Variants in COL22A1 observed in about 807,000 individuals in gnomAD.
COL22A1 encodes the protein collagen alpha-1(XXII) chain.
COL22A1 carries 221 observed loss-of-function variants against 248.9 expected under a neutral mutation model. That is an observed-to-expected ratio of 0.89 (90% CI 0.80 to 0.99). COL22A1 has a LOEUF of 0.99. Ranked by LOEUF, COL22A1 falls within the 50% of genes least tolerant of loss-of-function variation. The pLI is 0.00. For missense variants in COL22A1, 2,240 were observed against 2,179.0 expected (o/e 1.03, Z -0.56); for synonymous variants, 891 against 793.4 (o/e 1.12, Z -2.07).
chr8:138,618,462 A>G (rs1469361962), intron 53 of COL22A1, among the ~76,000 whole-genome samples: 2 of 152,052 alleles, frequency 1.3e-5, no homozygotes, highest in African/African-American at 4.8e-5. Flanking sequence ...AGCCCCTGTC[A>G]CTCCAATAAG....
rs150534962 is a variant in COL22A1 at position 138,694,850 on chromosome 8, G to A, written c.2622C>T (p.Gly874=). 104 of 1,613,918 alleles carry A rather than the reference G, an allele frequency of 6.4e-5. No homozygotes were observed. Among genetic ancestry groups the A allele is most frequent in the African/African-American group, 3.2e-4 (24 of 74,908 alleles). ...PGEQGPKGEK[G]DPGLPGEPGL... is the part of the protein sequence containing the mutation. ...CCGGTTCCCCAGGCAGGCCTGGATC[G>A]CCCTTCTCTCCTTTGGGCCCTTGTT... Residue 874 remains glycine, a synonymous_variant, in exon 33 of 65, where the codon GGC becomes GGT. Coordinates refer to ENST00000303045, the MANE Select transcript of COL22A1 (RefSeq NM_152888.3).
chr8:138,689,690 G>A (rs1826669270), intron 36 of COL22A1, among the ~76,000 whole-genome samples: 1 of 152,148 alleles, frequency 6.6e-6, no homozygotes, highest in Non-Finnish European at 1.5e-5. Flanking sequence ...ACCCCAGCCT[G>A]GGTGACAGAG....
At chr8:138,624,170 C>G (rs1820062311) in intron 51 of COL22A1, among the ~76,000 whole-genome samples, 1 of 152,080 alleles carries the variant, frequency 6.6e-6, no homozygotes, top group Non-Finnish European at 1.5e-5. Flanking sequence ...AATGTGGATG[C>G]TGACGATGAT....
At chr8:138,830,714 C>T (rs4736009) in intron 5 of COL22A1, among the ~76,000 whole-genome samples, 85,243 of 152,094 alleles carry the variant, frequency 0.56, 24,349 homozygotes, top group East Asian at 0.67. Flanking sequence ...GACCCTTCCA[C>T]TAGATTTGTG....
rs34103668 is a variant in COL22A1, at chr8:138,912,750, CA to C, written c.-73+868del. 5.5e-3 allele frequency among the ~76,000 whole-genome samples: 782 copies of C among 142,644 alleles called. 5 individuals carry two copies. The highest frequency in any genetic ancestry group is 0.016 in the African/African-American group (636 of 39,530). The allele number at this position is 142,644 out of a possible 152,430, so 93.6% of individuals were successfully genotyped here. A position where few individuals can be genotyped will look rare whatever the true frequency, so the allele number is the denominator to read the frequency against. On this transcript the variant is annotated intron_variant, in intron 1 of 64. Coordinates refer to ENST00000303045, the MANE Select transcript of COL22A1 (RefSeq NM_152888.3). ...GGGAAACAAGAGTGAAACTCGGCCT[CA>C]AAAAAAAAAAAAGTGTCAGGATGGG... is the stretch of plus-strand genomic sequence containing the variant.
chr8:138,892,222 C>T (rs995175668), intron 1 of COL22A1, among the ~76,000 whole-genome samples: 1 of 152,128 alleles, frequency 6.6e-6, no homozygotes, highest in South Asian at 2.1e-4. Context: ...GCTTTCTACC[C>T]AGAAATAAAT....
At chr8:138,772,819 C>T (rs1289060311) in intron 16 of COL22A1, among the ~76,000 whole-genome samples, 1 of 152,138 alleles carries the variant, frequency 6.6e-6, no homozygotes, top group East Asian at 1.9e-4. Context: ...GCCGAGATCG[C>T]ACCACTGACT....
intron 3 of COL22A1, among the ~76,000 whole-genome samples, chr8:138,867,645 T>A (rs1353595472): frequency 6.6e-6 from 1 of 152,204 alleles, no homozygotes; most frequent in Admixed American, 6.5e-5. Flanking sequence ...AGCAATGACA[T>A]GTTATAACAA....
chr8:138,769,329 G>GA (rs980954941), intron 16 of COL22A1, among the ~76,000 whole-genome samples: 15 of 152,170 alleles, frequency 9.9e-5, no homozygotes, highest in African/African-American at 3.6e-4. Context: ...GAAGATAAAT[G>GA]AAACACAGAA....
At chr8:138,700,747 G>T (rs533406903) in intron 31 of COL22A1, among the ~76,000 whole-genome samples, 1 of 152,318 alleles carries the variant, frequency 6.6e-6, no homozygotes, top group African/African-American at 2.4e-5. Context: ...CACTTTGGGA[G>T]GCCAAGGCGG....
intron 12 of COL22A1, among the ~76,000 whole-genome samples, chr8:138,791,294 G>A (rs1381946672): frequency 2.6e-5 from 4 of 152,190 alleles, no homozygotes; most frequent in African/African-American, 9.7e-5. Flanking sequence ...GAGATATCCT[G>A]AGCATTACCA....
chr8:138,811,076 C>G (rs1453955322), intron 9 of COL22A1, among the ~76,000 whole-genome samples: 1 of 152,114 alleles, frequency 6.6e-6, no homozygotes, highest in African/African-American at 2.4e-5. Context: ...TCCTTCTACT[C>G]AAATGGAGAA....
chr8:138,690,943 C>T (rs1329183159), intron 35 of COL22A1, 69 bp from the exon 36 acceptor site: 1 of 1,293,674 alleles, frequency 7.7e-7, no homozygotes, highest in East Asian at 2.5e-5. Context: ...ACTCTCTCTG[C>T]AAATCTGCCT....
chr8:138,841,240 G>T (rs1820859408), intron 4 of COL22A1, among the ~76,000 whole-genome samples: 1 of 152,124 alleles, frequency 6.6e-6, no homozygotes, highest in Non-Finnish European at 1.5e-5. Context: ...GTCAGGTACG[G>T]TCCTCTACTC....
At chr8:138,697,239 C>T (rs1827579979) in intron 32 of COL22A1, among the ~76,000 whole-genome samples, 1 of 152,158 alleles carries the variant, frequency 6.6e-6, no homozygotes, top group South Asian at 2.1e-4. Flanking sequence ...CCCACTGCCC[C>T]CTGGTGACCT....
intron 12 of COL22A1, among the ~76,000 whole-genome samples, chr8:138,785,258 G>A (rs1244237914): frequency 6.6e-6 from 1 of 152,176 alleles, no homozygotes; most frequent in African/African-American, 2.4e-5. Context: ...GGAGACGGTG[G>A]TGAGCAATAA....
chr8:138,811,668 C>G, intron 9 of COL22A1, 131 bp downstream of exon 9: 2 of 1,035,678 alleles, frequency 1.9e-6, no homozygotes, highest in Non-Finnish European at 3.0e-6. Flanking sequence ...AGGCACAACA[C>G]AGGGTGCTGT....
intron 12 of COL22A1, among the ~76,000 whole-genome samples, chr8:138,790,200 C>T (rs1209094766): frequency 6.6e-6 from 1 of 152,140 alleles, no homozygotes; most frequent in African/African-American, 2.4e-5. Flanking sequence ...AGGTGAAGGC[C>T]TGCTTTTTGG....
chr8:138,869,244 A>G (rs1228146284), intron 3 of COL22A1, among the ~76,000 whole-genome samples: 2 of 152,228 alleles, frequency 1.3e-5, no homozygotes, highest in East Asian at 3.9e-4. Flanking sequence ...CCACAGGTGC[A>G]TATGGAGCTC....
Sources: gnomAD v4.1 joint callset for allele counts (sites outside exome capture counted in the v4.1 genomes callset) on GRCh38, gnomAD v4.1.1 for gene constraint, MANE v1.5 for transcripts, NCBI Gene and HGNC (gene_info 2026-07-23, HGNC 2026-07-21) for gene names.